Variants in PRXL2A observed in about 807,000 individuals in gnomAD.
The protein encoded by PRXL2A is peroxiredoxin like 2A.
A neutral mutation model predicts 25.6 loss-of-function variants in PRXL2A; 26 were observed. That is an observed-to-expected ratio of 1.02 (90% CI 0.74 to 1.41). The LOEUF is 1.41. PRXL2A is among the 40% of genes most tolerant of loss of function. The pLI, the probability that PRXL2A is intolerant of heterozygous loss-of-function variation, is 0.00. For synonymous variants in PRXL2A, 98 were observed against 102.9 expected (o/e 0.95, Z 0.29); for missense variants, 246 against 273.9 (o/e 0.90, Z 0.72).
At chr10:80,408,155 C>A (rs1303150181), upstream of PRXL2A, among the ~76,000 whole-genome samples, 1 of 146,418 alleles carries the variant, frequency 6.8e-6, no homozygotes, top group Non-Finnish European at 1.5e-5. Context: ...TAGATTCCCC[C>A]TGCCCATGGA....
At chr10:80,414,484 A>T (rs866224797) in intron 1 of PRXL2A, among the ~76,000 whole-genome samples, 1 of 152,198 alleles carries the variant, frequency 6.6e-6, no homozygotes, top group African/African-American at 2.4e-5. Flanking sequence ...GATGACTGAA[A>T]AAACAAGGTG....
At chr10:80,430,382 G>T (rs986477138) in intron 5 of PRXL2A, among the ~76,000 whole-genome samples, 1 of 152,160 alleles carries the variant, frequency 6.6e-6, no homozygotes, top group Non-Finnish European at 1.5e-5. Flanking sequence ...GATTACAGGC[G>T]TGAGCCGCCG....
rs763782895 is a variant in PRXL2A at position 80,420,528 on chromosome 10, G to C, written c.61G>C (p.Ala21Pro). The C allele has an allele frequency of 6.2e-7, 1 of 1,613,834 alleles. No homozygotes were observed. The highest frequency in any genetic ancestry group is 2.2e-5 in the East Asian group (1 of 44,862). ...TMGMWSIGAG[A>P]LGAAALALLL... ...GGGGATGTGGTCCATTGGTGCAGGA[G>C]CCCTGGGGGCTGCTGCCTTGGCATT... The change falls in exon 2 of 6, where the codon GCC becomes CCC. Residue 21 changes from alanine to proline, a missense_variant. Ala to Pro is a conservative substitution (Grantham distance 27). Transcript: ENST00000606162.
chr10:80,410,273 G>A (rs971446932), intron 1 of PRXL2A, among the ~76,000 whole-genome samples: 2 of 152,236 alleles, frequency 1.3e-5, no homozygotes, highest in African/African-American at 4.8e-5. Flanking sequence ...CCTCACCTTT[G>A]AGCTCAGTGG....
In PRXL2A at chr10:80,435,323, G is replaced by C. The variant is rs1455760686; in HGVS notation, c.*3224G>C. ...CAGGCAGGGACCCAAAGGGGCCTGG[G>C]TTATCCCTGAGACAGGGCCTTGAGC... is the stretch of plus-strand genomic sequence containing the variant. On this transcript the variant is annotated 3_prime_UTR_variant, in exon 6 of 6. Transcript: ENST00000606162. 6.6e-6 allele frequency: 1 copy of C among 152,188 alleles called. No individual in the cohort carries two copies. The allele number at this position is 152,188 out of a possible 1,614,324, so 9.4% of individuals were successfully genotyped here. A position where few individuals can be genotyped will look rare whatever the true frequency, so the allele number is the denominator to read the frequency against.
chr10:80,412,822 T>A (rs1179249965), intron 1 of PRXL2A, among the ~76,000 whole-genome samples: 1 of 152,158 alleles, frequency 6.6e-6, no homozygotes, highest in African/African-American at 2.4e-5. Context: ...GCTGGCTTGC[T>A]GAGGAGTTTA....
rs1188961141 is a variant in PRXL2A at position 80,417,237 on chromosome 10, T to TATAATTAGA, written c.-2-3229_-2-3228insATAATTAGA. Among the ~76,000 whole-genome samples the TATAATTAGA allele has an allele frequency of 1.1e-4, 16 of 152,370 alleles. No individual in the cohort carries two copies. The East Asian group carries it at 1.2e-3, about 11-fold the overall frequency. On this transcript the variant is annotated intron_variant, in intron 1 of 5. Transcript: ENST00000606162. ...CAGGTGCAAGGCTCTAAATCTTTCA[T>TATAATTAGA]TATAATTAGATATAGGGAGTATGTC... is the stretch of plus-strand genomic sequence containing the variant.
Position 80,413,973 on chromosome 10 carries a change from C to T in PRXL2A, c.-3+5330C>T, listed in dbSNP as rs573573553. ...CTTGTATAGGAAAGAGACAGGGTCTCGAAGCTGGAAACTGAATTTGGGGCG... is the reference window on the plus strand; with the variant it reads ...CTTGTATAGGAAAGAGACAGGGTCTTGAAGCTGGAAACTGAATTTGGGGCG... On this transcript the variant is annotated intron_variant, in intron 1 of 5. Transcript: ENST00000606162. The T allele has an allele frequency of 5.2e-5, 37 of 712,120 alleles. No homozygotes were observed. In the African/African-American group the frequency reaches 5.4e-4, roughly 10 times the overall value. The allele number at this position is 712,120 out of a possible 1,614,324, so 44.1% of individuals were successfully genotyped here. A position where few individuals can be genotyped will look rare whatever the true frequency, so the allele number is the denominator to read the frequency against.
intron 3 of PRXL2A, among the ~76,000 whole-genome samples, chr10:80,424,284 C>T (rs12218405): frequency 1.3e-5 from 2 of 151,846 alleles, no homozygotes; most frequent in Admixed American, 6.6e-5. Flanking sequence ...GACCTTTCAT[C>T]TCAGCCAGGT....
At chr10:80,411,747 G>A (rs147953828) in intron 1 of PRXL2A, among the ~76,000 whole-genome samples, 49 of 152,278 alleles carry the variant, frequency 3.2e-4, no homozygotes, top group African/African-American at 1.1e-3. Context: ...TGTTCACTGA[G>A]GGCCTGAGGC....
chr10:80,431,168 G>T (rs1845244685), intron 5 of PRXL2A, among the ~76,000 whole-genome samples: 1 of 152,172 alleles, frequency 6.6e-6, no homozygotes, highest in Non-Finnish European at 1.5e-5. Flanking sequence ...AAAGTGCTGG[G>T]AGTACAGGTG....
In PRXL2A at chr10:80,433,164, C is replaced by G. The variant is rs181522578; in HGVS notation, c.*1065C>G. 6.6e-6 allele frequency: 1 copy of G among 152,326 alleles called. No individual in the cohort carries two copies. Among genetic ancestry groups the G allele is most frequent in the Admixed American group, 6.5e-5 (1 of 15,298 alleles). The allele number at this position is 152,326 out of a possible 1,614,324, so 9.4% of individuals were successfully genotyped here. ...TTGAAAATGACCAGGAAAAATTCAT[C>G]CTGTCATTCACGTTAGTAATTTTGC... On this transcript the variant is annotated 3_prime_UTR_variant, in exon 6 of 6. Transcript: ENST00000606162.
At chr10:80,425,762 C>G in intron 3 of PRXL2A, 104 bp from the exon 4 acceptor site, 2 of 1,441,950 alleles carry the variant, frequency 1.4e-6, no homozygotes, top group Non-Finnish European at 1.9e-6. Context: ...CTGCTTTCCA[C>G]TGGAGAAGAC....
chr10:80,419,958 AAAG>A, intron 1 of PRXL2A: 20 of 985,344 alleles, frequency 2.0e-5, no homozygotes, highest in Non-Finnish European at 2.4e-5. Flanking sequence ...ACTAAAGAGG[AAAG>A]AAGATAGGGG....
chr10:80,432,321 T>C lies in PRXL2A; in HGVS notation c.*222T>C. The stretch of plus-strand genomic sequence containing the variant: ...GAAAAACTAATGAGGATTATTAAGC[T>C]AAAACCTGGGAAATAGGAGGCTTAA... On this transcript the variant is annotated 3_prime_UTR_variant, in exon 6 of 6. Coordinates refer to ENST00000606162, the MANE Select transcript of PRXL2A (RefSeq NM_032333.5). 2.1e-6 allele frequency: 1 copy of C among 471,960 alleles called. No homozygotes were observed. The highest frequency in any genetic ancestry group is 3.7e-6 in the Non-Finnish European group (1 of 272,182). The allele number at this position is 471,960 out of a possible 1,614,324, so 29.2% of individuals were successfully genotyped here. A position where few individuals can be genotyped will look rare whatever the true frequency, so the allele number is the denominator to read the frequency against.
rs1389710566 is a variant in PRXL2A, at chr10:80,435,300, G to A, written c.*3201G>A. ...CTTTTGGCAGCCTTGAGCTTCCCCA[G>A]GCAGGGACCCAAAGGGGCCTGGGTT... On this transcript the variant is annotated 3_prime_UTR_variant, in exon 6 of 6. Coordinates refer to ENST00000606162, the MANE Select transcript of PRXL2A (RefSeq NM_032333.5). 1 of 152,188 alleles carries A rather than the reference G, an allele frequency of 6.6e-6. No individual in the cohort carries two copies. Among genetic ancestry groups the A allele is most frequent in the Non-Finnish European group, 1.5e-5 (1 of 68,040 alleles). 9.4% of individuals were successfully genotyped at this position (152,188 alleles called of 1,614,324 possible).
At chr10:80,426,357 A>G (rs914794210) in intron 4 of PRXL2A, among the ~76,000 whole-genome samples, 9 of 152,228 alleles carry the variant, frequency 5.9e-5, no homozygotes, top group African/African-American at 1.4e-4. Context: ...AAGTTATTCA[A>G]CACTTTATTT....
chr10:80,422,579 A>T, intron 3 of PRXL2A, 71 bp downstream of exon 3: 1 of 1,240,872 alleles, frequency 8.1e-7, no homozygotes, highest in South Asian at 1.3e-5. Flanking sequence ...TCCGGCCAGA[A>T]CCAAGGGTCG....
intron 1 of PRXL2A, chr10:80,409,104 C>T (rs1292282201): frequency 2.0e-6 from 2 of 983,948 alleles, no homozygotes; most frequent in Non-Finnish European, 2.4e-6. Context: ...CGTCTCTGTG[C>T]CCGCTTAGGG....
Sources: allele counts gnomAD v4.1 joint callset (sites outside exome capture counted in the v4.1 genomes callset), GRCh38; gene constraint gnomAD v4.1.1; transcripts MANE v1.5; gene names NCBI Gene and HGNC (gene_info 2026-07-23, HGNC 2026-07-21).